POLR2E: variants seen among roughly 807,000 people sequenced by gnomAD.
The protein encoded by POLR2E is DNA-directed RNA polymerases I, II, and III subunit RPABC1.
In POLR2E, 35 loss-of-function variants were observed where a neutral mutation model predicts 29.8. That is an observed-to-expected ratio of 1.17 (90% CI 0.90 to 1.55). POLR2E has a LOEUF of 1.55. Among genes scored for constraint, POLR2E ranks in the 40% most tolerant of loss-of-function variants. The pLI, the probability that POLR2E is intolerant of heterozygous loss-of-function variation, is 0.00. For missense variants in POLR2E, 287 were observed against 288.6 expected, an observed-to-expected ratio of 0.99 and a Z score of 0.04; for synonymous variants, 174 against 112.6, an observed-to-expected ratio of 1.55 and a Z score of -3.45.
intron 7 of POLR2E, 72 bp downstream of exon 7, chr19:1,089,400 C>A (rs748992906): frequency 1.6e-5 from 16 of 1,010,860 alleles, no homozygotes; most frequent in Non-Finnish European, 2.3e-5. Flanking sequence ...AAGAACAGCC[C>A]TGCACACCGA....
At chr19:1,091,024 G>T in intron 3 of POLR2E, 36 bp from the exon 4 acceptor site, 1 of 1,591,866 alleles carries the variant, frequency 6.3e-7, no homozygotes. Context: ...GGCCCGGAGG[G>T]GCCCAGACAA....
chr19:1,087,235 CCTCCACTTCCTGGGTTCAAGTGATT>C lies in POLR2E; in HGVS notation c.*1475_*1499del, dbSNP rs1194526266. On this transcript the variant is annotated 3_prime_UTR_variant, in exon 8 of 8. Coordinates refer to ENST00000615234, the MANE Select transcript of POLR2E (RefSeq NM_002695.5). ...CTTTTAACTCCTGAGCTCAAGCGATCCTCCACTTCCTGGGTTCAAGTGATTCTCCTGCCTTAGCTCCCAAGTAGCT... is the reference window on the plus strand; with the variant it reads ...CTTTTAACTCCTGAGCTCAAGCGATCCTCCTGCCTTAGCTCCCAAGTAGCT... 1 of 152,068 alleles carries C rather than the reference CCTCCACTTCCTGGGTTCAAGTGATT, an allele frequency of 6.6e-6. No individual in the cohort carries two copies. The highest frequency in any genetic ancestry group is 1.5e-5 in the Non-Finnish European group (1 of 68,018). The allele number at this position is 152,068 out of a possible 1,614,324, so 9.4% of individuals were successfully genotyped here. A position where few individuals can be genotyped will look rare whatever the true frequency, so the allele number is the denominator to read the frequency against.
chr19:1,090,268 C>G, intron 4 of POLR2E, 123 bp from the exon 5 acceptor site: 1 of 833,850 alleles, frequency 1.2e-6, no homozygotes. Context: ...CCCCGATCCC[C>G]GGCACTCAGG....
intron 1 of POLR2E, chr19:1,095,054 T>G: frequency 8.3e-6 from 4 of 481,074 alleles, no homozygotes; most frequent in East Asian, 4.0e-5. Flanking sequence ...CACCCAGACG[T>G]CTCGAAACCC....
At chr19:1,092,591 G>A (rs1288222186) in intron 2 of POLR2E, among the ~76,000 whole-genome samples, 1 of 152,070 alleles carries the variant, frequency 6.6e-6, no homozygotes, top group African/African-American at 2.4e-5. Flanking sequence ...GGGAGGCTGA[G>A]GCAGGAGAAT....
intron 4 of POLR2E, 46 bp downstream of exon 4, chr19:1,090,862 A>C (rs200541041): frequency 1.3e-6 from 2 of 1,545,838 alleles, no homozygotes. Flanking sequence ...CAAACGCTGC[A>C]TCTCTGCCGG....
chr19:1,095,115 G>C, intron 1 of POLR2E, 144 bp downstream of exon 1: 1 of 783,438 alleles, frequency 1.3e-6, no homozygotes. Flanking sequence ...TGGTATCCCC[G>C]GCGACCTCTG....
rs759776995 is a variant in POLR2E, at chr19:1,086,610, T to TA, written c.*2124dup. On this transcript the variant is annotated 3_prime_UTR_variant, in exon 8 of 8. Coordinates refer to ENST00000615234, the MANE Select transcript of POLR2E (RefSeq NM_002695.5). ...CACAGGCACGTTTATTTTGCTGAAA[T>TA]AAAAAGTTTTTAATCGGGTGTTTTC... 9.2e-5 allele frequency: 14 copies of TA among 151,830 alleles called. No homozygotes were observed. Among genetic ancestry groups the TA allele is most frequent in the African/African-American group, 3.4e-4 (14 of 41,392 alleles). 9.4% of individuals were successfully genotyped at this position (151,830 alleles called of 1,614,324 possible). A position where few individuals can be genotyped will look rare whatever the true frequency, so the allele number is the denominator to read the frequency against.
At chr19:1,089,350 G>A in intron 7 of POLR2E, 122 bp downstream of exon 7, 1 of 663,486 alleles carries the variant, frequency 1.5e-6, no homozygotes, top group South Asian at 1.8e-5. Context: ...TGGTGGCCCA[G>A]CTGGGCTGGT....
Position 1,095,328 on chromosome 19 carries a change from C to A in POLR2E, c.-13G>T, listed in dbSNP as rs376234888. ...CCTCGTCGTCCATGGCAGCCTCCGC[C>A]GCCGCCGCCGCTCGCACCCCTTCTC... On this transcript the variant is annotated 5_prime_UTR_variant, in exon 1 of 8. Transcript: ENST00000615234. 27 of 1,612,058 alleles carry A rather than the reference C, an allele frequency of 1.7e-5. No individual in the cohort carries two copies. Among genetic ancestry groups the A allele is most frequent in the Non-Finnish European group, 2.3e-5 (27 of 1,179,456 alleles).
At position 1,089,491 on chromosome 19, in the gene POLR2E, G is replaced by T; in HGVS notation, c.628C>A (p.Gln210Lys). The change falls in exon 7 of 8, where the codon CAG (glutamine) becomes AAG (lysine). Residue 210 changes from glutamine to lysine, a missense_variant. Coordinates refer to ENST00000615234, the MANE Select transcript of POLR2E (RefSeq NM_002695.5). ...AGRYITYRLV[Q>K] ...TCTCACCTGTCAGGCGGTAGCTACT[G>T]CACCAGCCGGTAGGTGATGTACCTG... The T allele has an allele frequency of 1.9e-6, 3 of 1,612,286 alleles. No individual in the cohort carries two copies. Among genetic ancestry groups the T allele is most frequent in the Non-Finnish European group, 2.5e-6 (3 of 1,179,018 alleles).
intron 2 of POLR2E, 104 bp downstream of exon 2, chr19:1,093,800 G>C (rs758414422): frequency 1.4e-6 from 2 of 1,441,022 alleles, no homozygotes; most frequent in South Asian, 1.5e-5. Context: ...TGGGCAGAGA[G>C]ACAAATGCTG....
At chr19:1,091,938 A>G in intron 2 of POLR2E, 31 bp from the exon 3 acceptor site, 3 of 1,509,398 alleles carry the variant, frequency 2.0e-6, no homozygotes, top group African/African-American at 2.7e-5. Flanking sequence ...GGCCTGCACG[A>G]GCCTGGGCCC....
chr19:1,091,573 T>G, intron 3 of POLR2E: 2 of 569,178 alleles, frequency 3.5e-6, no homozygotes, highest in South Asian at 4.0e-5. Context: ...CTGACGCCCC[T>G]CCTGAGAGCT....
At chr19:1,089,389 CAAG>C (rs2043778999) in intron 7 of POLR2E, 80 bp downstream of exon 7, 2 of 921,318 alleles carry the variant, frequency 2.2e-6, no homozygotes, top group African/African-American at 3.3e-5. Context: ...CCGGACAAAG[CAAG>C]AACAGCCCTG....
Position 1,089,858 on chromosome 19 carries a change from G to A in POLR2E, c.567+26C>T, listed in dbSNP as rs774090077. The A allele has an allele frequency of 3.2e-6, 5 of 1,581,332 alleles. No homozygotes were observed. The South Asian group carries it at 4.4e-5, about 14-fold the overall frequency. ...GAGTGGTCAGCTCAGAGCAGCCCCAGGGCCCCTTCTCCCCACAGGGCTCAC... is the reference window on the plus strand; with the variant it reads ...GAGTGGTCAGCTCAGAGCAGCCCCAAGGCCCCTTCTCCCCACAGGGCTCAC... On this transcript the variant is annotated intron_variant, in intron 6 of 7. Transcript: ENST00000615234.
rs948584739 is a variant in POLR2E at position 1,090,918 on chromosome 19, G to A, written c.419C>T (p.Thr140Met). The A allele has an allele frequency of 1.9e-5, 30 of 1,612,992 alleles. No individual in the cohort carries two copies. The highest frequency in any genetic ancestry group is 2.2e-5 in the East Asian group (1 of 44,886). Residue 140 changes from threonine (T) to methionine (M), a missense_variant, in exon 4 of 8, where the codon ACG (threonine) becomes ATG (methionine). By Grantham distance (81) the Thr-to-Met change is moderately conservative. Coordinates refer to ENST00000615234, the MANE Select transcript of POLR2E (RefSeq NM_002695.5). ...FLQQELLINI[T>M]EHELVPEHVV... Reference sequence around the variant, plus strand: ...GCGGCGCGCGCCCACCTCGTGCTCCGTGATGTTGATGAGCAGCTCCTGCTG... The same window carrying A: ...GCGGCGCGCGCCCACCTCGTGCTCCATGATGTTGATGAGCAGCTCCTGCTG...
In POLR2E at chr19:1,095,003, C is replaced by G. The variant is rs542226267; in HGVS notation, c.57+256G>C. The G allele has an allele frequency of 7.8e-5, 37 of 476,398 alleles. No homozygotes were observed. The South Asian group carries it at 1.1e-3, about 14-fold the overall frequency. 29.5% of individuals were successfully genotyped at this position (476,398 alleles called of 1,614,324 possible). Reference sequence around the variant, plus strand: ...TTCCTCCTCCTCTCGCCGCCACGCGCGCCGCACCAGCCCAAGCCGCCCACC... The same window carrying G: ...TTCCTCCTCCTCTCGCCGCCACGCGGGCCGCACCAGCCCAAGCCGCCCACC... On this transcript the variant is annotated intron_variant, in intron 1 of 7. Coordinates refer to ENST00000615234, the MANE Select transcript of POLR2E (RefSeq NM_002695.5).
chr19:1,090,601 G>T (rs1284462652), intron 4 of POLR2E, among the ~76,000 whole-genome samples: 1 of 149,490 alleles, frequency 6.7e-6, no homozygotes, highest in Non-Finnish European at 1.5e-5. Flanking sequence ...TGTATTTTTA[G>T]TAGAGACGGG....
Sources: allele counts gnomAD v4.1 joint callset (sites outside exome capture counted in the v4.1 genomes callset), GRCh38; gene constraint gnomAD v4.1.1; transcripts MANE v1.5; gene names NCBI Gene and HGNC (gene_info 2026-07-23, HGNC 2026-07-21).